The following HNF4G variants were observed in gnomAD, a reference collection of about 807,000 sequenced individuals.
HNF4G encodes hepatocyte nuclear factor 4-gamma.
Under a neutral mutation model 50.9 loss-of-function variants are expected in HNF4G, and 21 were observed. That is an observed-to-expected ratio of 0.41 (90% CI 0.29 to 0.59). The LOEUF (loss-of-function observed/expected upper bound fraction) is 0.59, where lower values mean the gene tolerates loss of function less well. Ranked by LOEUF, HNF4G falls within the 20% of genes least tolerant of loss-of-function variation. HNF4G has a pLI of 0.26. For synonymous variants in HNF4G, 198 were observed against 185.6 expected (o/e 1.07, Z -0.54); for missense variants, 527 against 559.4 (o/e 0.94, Z 0.58).
intron 2 of HNF4G, among the ~76,000 whole-genome samples, chr8:75,512,809 T>C (rs1222124521): frequency 6.6e-6 from 1 of 152,114 alleles, no homozygotes; most frequent in Non-Finnish European, 1.5e-5. Context: ...ATCACATGAA[T>C]AGATTTGCAA....
chr8:75,442,319 C>T (rs188113088), intron 1 of HNF4G, among the ~76,000 whole-genome samples: 89 of 151,554 alleles, frequency 5.9e-4, no homozygotes, highest in African/African-American at 2.1e-3. Flanking sequence ...AAACTGAACA[C>T]ATATTAAATA....
At chr8:75,512,715 C>T (rs759989359) in intron 2 of HNF4G, among the ~76,000 whole-genome samples, 1 of 152,040 alleles carries the variant, frequency 6.6e-6, no homozygotes, top group Non-Finnish European at 1.5e-5. Flanking sequence ...CCGCCCGCCT[C>T]CACCTCCCGA....
chr8:75,478,132 C>T (rs905897048), intron 1 of HNF4G, among the ~76,000 whole-genome samples: 7 of 151,784 alleles, frequency 4.6e-5, no homozygotes, highest in African/African-American at 1.7e-4. Context: ...GGCAACATGG[C>T]GGAACCCCGT....
intron 1 of HNF4G, among the ~76,000 whole-genome samples, chr8:75,475,271 G>A (rs772039883): frequency 3.3e-5 from 5 of 152,104 alleles, no homozygotes; most frequent in Admixed American, 1.3e-4. Context: ...GCCTCCCAAA[G>A]TGTTGGGATC....
intron 8 of HNF4G, among the ~76,000 whole-genome samples, 162 bp from the exon 9 acceptor site, chr8:75,560,182 G>T (rs1193654483): frequency 6.6e-6 from 1 of 152,178 alleles, no homozygotes; most frequent in Admixed American, 6.5e-5. Context: ...AGCTGACATT[G>T]TTCTTAATAT....
At chr8:75,496,285 A>G (rs189526797) in intron 2 of HNF4G, among the ~76,000 whole-genome samples, 1 of 152,182 alleles carries the variant, frequency 6.6e-6, no homozygotes, top group Admixed American at 6.5e-5. Flanking sequence ...GTTATCCTTT[A>G]TTCTTTTTTT....
intron 8 of HNF4G, 118 bp downstream of exon 8, chr8:75,559,155 A>G (rs1585958712): frequency 2.7e-6 from 2 of 737,694 alleles, no homozygotes; most frequent in East Asian, 2.5e-5. Context: ...GATGCTCCTG[A>G]ATTTTTTTCC....
At chr8:75,498,539 C>G (rs1011467639) in intron 2 of HNF4G, among the ~76,000 whole-genome samples, 2 of 151,880 alleles carry the variant, frequency 1.3e-5, no homozygotes, top group African/African-American at 4.8e-5. Context: ...GAAGGAAACA[C>G]AACTTATTAT....
chr8:75,499,451 C>G (rs536417861), intron 2 of HNF4G, among the ~76,000 whole-genome samples: 1 of 151,940 alleles, frequency 6.6e-6, no homozygotes. Flanking sequence ...GATGGCAATA[C>G]TCCACAAATT....
intron 1 of HNF4G, among the ~76,000 whole-genome samples, chr8:75,476,587 G>A (rs780939212): frequency 1.3e-5 from 2 of 152,180 alleles, no homozygotes; most frequent in Non-Finnish European, 2.9e-5. Flanking sequence ...AGAAGATAAC[G>A]TAATACAAAC....
chr8:75,529,160 G>A (rs769417533), intron 2 of HNF4G, among the ~76,000 whole-genome samples: 82 of 152,164 alleles, frequency 5.4e-4, no homozygotes, highest in Non-Finnish European at 9.9e-4. Context: ...GAGTGGTGGC[G>A]GGCGCCTGTA....
At chr8:75,549,392 C>T (rs571831847) in intron 3 of HNF4G, among the ~76,000 whole-genome samples, 95 of 152,160 alleles carry the variant, frequency 6.2e-4, no homozygotes, top group Admixed American at 1.0e-3. Context: ...TAGCTAACAT[C>T]TTAATTTTTT....
chr8:75,461,621 T>C (rs1811843369), intron 1 of HNF4G, among the ~76,000 whole-genome samples: 1 of 152,088 alleles, frequency 6.6e-6, no homozygotes, highest in Non-Finnish European at 1.5e-5. Context: ...TCTGGGTAAG[T>C]ATAGTGCAGT....
At chr8:75,542,198 G>A (rs575742089) in intron 1 of HNF4G, among the ~76,000 whole-genome samples, 16 of 152,036 alleles carry the variant, frequency 1.1e-4, no homozygotes, top group African/African-American at 3.4e-4. Flanking sequence ...CCAACTACTC[G>A]GGAGGCTGAG....
At position 75,507,321 on chromosome 8, in the gene HNF4G, G is replaced by A. The variant is rs557160054; in HGVS notation, c.-24+17113G>A. ...CTCGCCCAGGCTGGAGTGCAGCGGC[G>A]TGATCTTGGCTCACTGCAACCTCCA... On this transcript the variant is annotated intron_variant, in intron 2 of 10. Coordinates refer to the HNF4G transcript ENST00000354370. Among the ~76,000 whole-genome samples, 48 of 149,906 alleles carry A rather than the reference G, an allele frequency of 3.2e-4. No homozygotes were observed. In the South Asian group the frequency reaches 8.8e-3, roughly 28 times the overall value.
intron 2 of HNF4G, among the ~76,000 whole-genome samples, chr8:75,532,476 A>G (rs1323575582): frequency 6.6e-6 from 1 of 152,076 alleles, no homozygotes; most frequent in Non-Finnish European, 1.5e-5. Context: ...TTAAAATTAT[A>G]TTTATGTGGG....
chr8:75,434,149 G>A (rs997624346), intron 1 of HNF4G, among the ~76,000 whole-genome samples: 5 of 151,342 alleles, frequency 3.3e-5, no homozygotes, highest in African/African-American at 7.3e-5. Context: ...GATTATAGGC[G>A]CCTGCCACCC....
At chr8:75,501,447 C>T in intron 2 of HNF4G, among the ~76,000 whole-genome samples, 1 of 152,076 alleles carries the variant, frequency 6.6e-6, no homozygotes, top group East Asian at 1.9e-4. Flanking sequence ...TCTCAGATAA[C>T]AAAATGTTTG....
At chr8:75,415,579 T>C (rs1810614830) in intron 1 of HNF4G, among the ~76,000 whole-genome samples, 1 of 152,252 alleles carries the variant, frequency 6.6e-6, no homozygotes, top group African/African-American at 2.4e-5. Flanking sequence ...ACAATAGTTA[T>C]ACTAAGAATT....
Sources: gnomAD v4.1 joint callset for allele counts (sites outside exome capture counted in the v4.1 genomes callset) on GRCh38, gnomAD v4.1.1 for gene constraint, MANE v1.5 for transcripts, NCBI Gene and HGNC (gene_info 2026-07-23, HGNC 2026-07-21) for gene names.